Variants in CEP83 observed in about 807,000 individuals in gnomAD.
CEP83 encodes the protein centrosomal protein of 83 kDa.
CEP83 carries 70 observed loss-of-function variants against 101.9 expected under a neutral mutation model. The observed-to-expected ratio is 0.69, with a 90% CI of 0.57 to 0.84. CEP83 has a LOEUF of 0.84. Among genes scored for constraint, CEP83 ranks in the 40% least tolerant of loss-of-function variants. The pLI is 0.00. For synonymous variants in CEP83, 264 were observed against 267.9 expected, an observed-to-expected ratio of 0.99 and a Z score of 0.14; for missense variants, 715 against 787.2, an observed-to-expected ratio of 0.91 and a Z score of 1.10.
chr12:94,423,145 C>A (rs530880700), intron 2 of CEP83, among the ~76,000 whole-genome samples: 1 of 151,850 alleles, frequency 6.6e-6, no homozygotes, highest in Non-Finnish European at 1.5e-5. Flanking sequence ...AGTGCAATGG[C>A]GCAATCTCAG....
At chr12:94,313,268 G>GA in intron 14 of CEP83, 2 of 240,136 alleles carry the variant, frequency 8.3e-6, no homozygotes, top group Non-Finnish European at 7.8e-6. Flanking sequence ...AATAATTGCT[G>GA]CAAAAAAAAA....
intron 9 of CEP83, chr12:94,369,649 T>G (rs2061200159): frequency 4.3e-6 from 1 of 233,902 alleles, no homozygotes; most frequent in African/African-American, 2.3e-5. Flanking sequence ...GATTTAAAAT[T>G]TATAAATCAG....
At chr12:94,314,112 A>AT (rs989007332) in intron 14 of CEP83, among the ~76,000 whole-genome samples, 22 of 152,008 alleles carry the variant, frequency 1.4e-4, no homozygotes, top group African/African-American at 2.7e-4. Context: ...AAAAAGTAGT[A>AT]TTTTTTTTCA....
the CEP83 span, among the ~76,000 whole-genome samples, chr12:94,274,155 T>TTAAA: frequency 2.2e-5 from 1 of 45,376 alleles, no homozygotes; most frequent in African/African-American, 1.2e-4. Flanking sequence ...ACCCTGTCTC[T>TTAAA]AAAAAAAAAA....
At chr12:94,312,056 T>A (rs571276955) in intron 15 of CEP83, among the ~76,000 whole-genome samples, 1 of 151,460 alleles carries the variant, frequency 6.6e-6, no homozygotes, top group Non-Finnish European at 1.5e-5. Flanking sequence ...CCCTGAACCA[T>A]AGACGAAGAC....
the CEP83 span, among the ~76,000 whole-genome samples, chr12:94,296,194 G>A: frequency 6.6e-5 from 10 of 151,946 alleles, no homozygotes; most frequent in Admixed American, 4.6e-4. Context: ...ACAGTGTCTC[G>A]CTGTCACCCA....
chr12:94,296,981 C>CTCCAA, the CEP83 span, among the ~76,000 whole-genome samples: 1 of 152,216 alleles, frequency 6.6e-6, no homozygotes, highest in African/African-American at 2.4e-5. Flanking sequence ...CTACTTCCTC[C>CTCCAA]TCCAATCCCT....
intron 14 of CEP83, 69 bp downstream of exon 14, chr12:94,331,631 C>G: frequency 6.8e-7 from 1 of 1,463,690 alleles, no homozygotes; most frequent in Middle Eastern, 1.8e-4. Context: ...CTCCGCCTCC[C>G]AAAGTGCTGG....
intron 11 of CEP83, among the ~76,000 whole-genome samples, chr12:94,348,177 G>C (rs2060028469): frequency 6.6e-6 from 1 of 151,190 alleles, no homozygotes; most frequent in Admixed American, 6.6e-5. Context: ...CACACGTATA[G>C]AACAAAAAAT....
At chr12:94,365,811 GA>G (rs1216948569) in intron 11 of CEP83, among the ~76,000 whole-genome samples, 2 of 145,272 alleles carry the variant, frequency 1.4e-5, no homozygotes, top group African/African-American at 5.0e-5. Flanking sequence ...GAAATTAAAT[GA>G]ACATAGGAGA....
chr12:94,422,261 T>C (rs1016525033), intron 2 of CEP83, among the ~76,000 whole-genome samples: 2 of 152,216 alleles, frequency 1.3e-5, no homozygotes, highest in Non-Finnish European at 2.9e-5. Context: ...ACGCATTAGA[T>C]TATAAATGAC....
At chr12:94,426,398 T>C (rs2065203845) in intron 2 of CEP83, among the ~76,000 whole-genome samples, 2 of 152,178 alleles carry the variant, frequency 1.3e-5, no homozygotes, top group East Asian at 1.9e-4. Flanking sequence ...TTTTAGTATA[T>C]ACAACACATG....
chr12:94,444,684 T>C (rs1313075050), intron 1 of CEP83, among the ~76,000 whole-genome samples: 3 of 151,978 alleles, frequency 2.0e-5, no homozygotes, highest in Non-Finnish European at 2.9e-5. Flanking sequence ...GTGTTTACAA[T>C]GGAAAAAGAG....
intron 1 of CEP83, among the ~76,000 whole-genome samples, chr12:94,449,779 TAAAAAAAAAAAAAAA>T (rs71071787): frequency 1.2e-4 from 6 of 48,578 alleles, no homozygotes; most frequent in East Asian, 6.7e-4. Flanking sequence ...TCTCAAACAA[TAAAAAAAAAAAAAAA>T]AAAAAAAAAA....
chr12:94,367,745 C>G lies in CEP83; in HGVS notation c.1343+49G>C, dbSNP rs573603006. 7.2e-6 allele frequency: 10 copies of G among 1,394,814 alleles called. No homozygotes were observed. In the East Asian group the frequency reaches 2.1e-4, roughly 30 times the overall value. The allele number at this position is 1,394,814 out of a possible 1,614,324, so 86.4% of individuals were successfully genotyped here. A position where few individuals can be genotyped will look rare whatever the true frequency, so the allele number is the denominator to read the frequency against. On this transcript the variant is annotated intron_variant, in intron 11 of 16. Coordinates refer to ENST00000397809, the MANE Select transcript of CEP83 (RefSeq NM_016122.3). Reference sequence around the variant, plus strand: ...CTAGTTGTACATCATTTTGTTAACTCTGACCTTATTTCAACATGAAAAACT... The same window carrying G: ...CTAGTTGTACATCATTTTGTTAACTGTGACCTTATTTCAACATGAAAAACT...
upstream of CEP83, chr12:94,460,150 A>C (rs2068045975): frequency 6.6e-6 from 1 of 151,908 alleles, no homozygotes; most frequent in Non-Finnish European, 1.5e-5. Context: ...GGATGGACTC[A>C]GAGATCCCCA....
intron 14 of CEP83, among the ~76,000 whole-genome samples, chr12:94,321,377 C>G (rs2058737628): frequency 6.6e-6 from 1 of 152,194 alleles, no homozygotes; most frequent in Non-Finnish European, 1.5e-5. Context: ...GTCACTTCAG[C>G]CAACTCAGCC....
In CEP83 at chr12:94,336,829, CT is replaced by C. The variant is rs1172888174; in HGVS notation, c.1344-1166del. On this transcript the variant is annotated intron_variant, in intron 11 of 16. Transcript: ENST00000397809. ...ATGAATGTTATCAACTGGGTGCCTT[CT>C]TTTTTTTTTTTTAAATAAGAGATGT... 2.3e-3 allele frequency among the ~76,000 whole-genome samples: 331 copies of C among 143,702 alleles called. 1 individual carries two copies. Among genetic ancestry groups the C allele is most frequent in the Non-Finnish European group, 2.2e-3 (144 of 65,112 alleles). 94.3% of individuals were successfully genotyped at this position (143,702 alleles called of 152,430 possible). A position where few individuals can be genotyped will look rare whatever the true frequency, so the allele number is the denominator to read the frequency against.
intron 2 of CEP83, among the ~76,000 whole-genome samples, chr12:94,433,236 C>T (rs1594028544): frequency 6.6e-6 from 1 of 152,050 alleles, no homozygotes; most frequent in Admixed American, 6.5e-5. Flanking sequence ...CTCACATTTA[C>T]ATTTCAGAAA....
Sources: allele counts gnomAD v4.1 joint callset (sites outside exome capture counted in the v4.1 genomes callset), GRCh38; gene constraint gnomAD v4.1.1; transcripts MANE v1.5; gene names NCBI Gene and HGNC (gene_info 2026-07-23, HGNC 2026-07-21).